Variants in USP33 observed in about 807,000 individuals in gnomAD.
The protein encoded by USP33 is ubiquitin specific peptidase 33.
USP33 carries 46 observed loss-of-function variants against 124.2 expected under a neutral mutation model. The ratio of observed to expected loss-of-function variants is 0.37; its 90% CI spans 0.29 to 0.47. USP33 has a LOEUF of 0.47. Among genes scored for constraint, USP33 ranks in the 20% least tolerant of loss-of-function variants. The pLI is 0.99. For missense variants in USP33, 851 were observed against 1,070.6 expected (o/e 0.79, Z 2.86); for synonymous variants, 350 against 352.3 (o/e 0.99, Z 0.07).
intron 17 of USP33, 159 bp downstream of exon 17, chr1:77,717,708 C>T (rs897234551): frequency 1.3e-4 from 60 of 445,914 alleles, no homozygotes; most frequent in African/African-American, 1.1e-3. Context: ...TGGGGTTTCA[C>T]TATGCTGCCC....
At chr1:77,737,999 T>C (rs1022770278) in intron 5 of USP33, among the ~76,000 whole-genome samples, 9 of 152,218 alleles carry the variant, frequency 5.9e-5, no homozygotes, top group Admixed American at 3.9e-4. Context: ...GCCATTTTCA[T>C]ACTATCTGGA....
intron 1 of USP33, among the ~76,000 whole-genome samples, chr1:77,759,075 CCAAA>C (rs1259073633): frequency 4.6e-5 from 7 of 152,174 alleles, no homozygotes; most frequent in South Asian, 2.1e-4. Context: ...GATCTTTCAT[CCAAA>C]CAAAGGCTGC....
At chr1:77,711,575 ACT>A in intron 21 of USP33, 170 bp downstream of exon 21, 1 of 1,037,174 alleles carries the variant, frequency 9.6e-7, no homozygotes, top group South Asian at 2.0e-5. Context: ...GGAGAACATA[ACT>A]CAACAGAACT....
intron 6 of USP33, 122 bp downstream of exon 6, chr1:77,735,932 CAG>C (rs1355960853): frequency 1.5e-6 from 1 of 653,380 alleles, no homozygotes; most frequent in African/African-American, 1.9e-5. Flanking sequence ...GGCCAAATTT[CAG>C]AGTCCTTTTG....
rs537573435 is a variant in USP33 at position 77,735,998 on chromosome 1, G to A, written c.454+58C>T. On this transcript the variant is annotated intron_variant, in intron 6 of 23. Coordinates refer to ENST00000370794, the MANE Select transcript of USP33 (RefSeq NM_201624.3). ...ACATTTTGAAACTTTTACATTATAT[G>A]GTTTTCTAAAGAAATGGGCAGTGCC... 1.8e-5 allele frequency: 23 copies of A among 1,248,352 alleles called. No homozygotes were observed. The East Asian group carries it at 4.3e-4, about 23-fold the overall frequency. 77.3% of individuals were successfully genotyped at this position (1,248,352 alleles called of 1,614,324 possible).
chr1:77,742,706 T>G (rs545864098), intron 1 of USP33, among the ~76,000 whole-genome samples: 1 of 152,144 alleles, frequency 6.6e-6, no homozygotes, highest in Admixed American at 6.5e-5. Context: ...AACTTTGAGG[T>G]TTGAGAACAC....
chr1:77,740,813 G>T, intron 4 of USP33, 64 bp downstream of exon 4: 1 of 1,114,104 alleles, frequency 9.0e-7, no homozygotes, highest in South Asian at 1.4e-5. Flanking sequence ...ATGTTATACT[G>T]GCTTTCCCTT....
intron 1 of USP33, among the ~76,000 whole-genome samples, chr1:77,749,933 C>A (rs1242299981): frequency 1.3e-5 from 2 of 152,132 alleles, no homozygotes; most frequent in South Asian, 2.1e-4. Flanking sequence ...AAAATAAATT[C>A]TCTCTGCTGA....
At chr1:77,734,437 T>C in intron 6 of USP33, 21 bp from the exon 7 acceptor site, 1 of 1,469,248 alleles carries the variant, frequency 6.8e-7, no homozygotes, top group Non-Finnish European at 9.3e-7. Flanking sequence ...AAAATATACA[T>C]GAAGTCATCA....
intron 22 of USP33, among the ~76,000 whole-genome samples, chr1:77,698,385 T>C (rs1673635611): frequency 6.6e-6 from 1 of 151,820 alleles, no homozygotes; most frequent in African/African-American, 2.4e-5. Flanking sequence ...TGGTTAATTC[T>C]TAATGTCTTC....
intron 4 of USP33, among the ~76,000 whole-genome samples, chr1:77,740,649 C>T (rs905869481): frequency 5.3e-5 from 8 of 152,228 alleles, no homozygotes; most frequent in Admixed American, 2.6e-4. Context: ...GCCACCATGC[C>T]TGGCCGGATG....
chr1:77,746,000 A>G (rs1035922185), intron 1 of USP33, among the ~76,000 whole-genome samples: 1 of 152,210 alleles, frequency 6.6e-6, no homozygotes, highest in African/African-American at 2.4e-5. Context: ...ACACAGTCAG[A>G]AGCTAGCAGA....
At chr1:77,742,041 CT>C (rs1679179356) in intron 1 of USP33, among the ~76,000 whole-genome samples, 1 of 151,836 alleles carries the variant, frequency 6.6e-6, no homozygotes, top group Admixed American at 6.6e-5. Context: ...CTTTTCCCCT[CT>C]CATTTCACTT....
At chr1:77,742,031 C>A (rs955180124) in intron 1 of USP33, among the ~76,000 whole-genome samples, 1 of 151,982 alleles carries the variant, frequency 6.6e-6, no homozygotes, top group Non-Finnish European at 1.5e-5. Flanking sequence ...ACTTTTGCTG[C>A]TTTTCCCCTC....
chr1:77,704,900 G>T (rs1021196779), intron 21 of USP33, among the ~76,000 whole-genome samples: 6 of 152,092 alleles, frequency 3.9e-5, no homozygotes, highest in Non-Finnish European at 1.5e-5. Flanking sequence ...CTTGCTGCCT[G>T]GTACAGTGCA....
intron 16 of USP33, among the ~76,000 whole-genome samples, chr1:77,718,343 G>T (rs1273777568): frequency 6.6e-6 from 1 of 152,100 alleles, no homozygotes; most frequent in Admixed American, 6.6e-5. Flanking sequence ...ACTGCTATTT[G>T]TTTTTCTAAT....
intron 3 of USP33, 70 bp from the exon 4 acceptor site, chr1:77,741,009 C>A: frequency 5.7e-6 from 6 of 1,046,852 alleles, no homozygotes; most frequent in Non-Finnish European, 8.3e-6. Flanking sequence ...AACAGCATTA[C>A]AATTACATTT....
intron 1 of USP33, among the ~76,000 whole-genome samples, chr1:77,758,768 T>C (rs183228881): frequency 6.6e-6 from 1 of 152,294 alleles, no homozygotes; most frequent in East Asian, 1.9e-4. Context: ...AATAATCTGA[T>C]TAAACTTAAA....
intron 1 of USP33, among the ~76,000 whole-genome samples, chr1:77,751,365 C>G (rs539551086): frequency 6.6e-6 from 1 of 152,292 alleles, no homozygotes; most frequent in South Asian, 2.1e-4. Context: ...TGCAAAACTG[C>G]TTCTGGGCTG....
Sources: allele counts gnomAD v4.1 joint callset (sites outside exome capture counted in the v4.1 genomes callset), GRCh38; gene constraint gnomAD v4.1.1; transcripts MANE v1.5; gene names NCBI Gene and HGNC (gene_info 2026-07-23, HGNC 2026-07-21).